The following EFCAB11 variants were observed in gnomAD, a reference collection of about 807,000 sequenced individuals.
EFCAB11 encodes EF-hand calcium-binding domain-containing protein 11.
EFCAB11 carries 14 observed loss-of-function variants against 23.0 expected under a neutral mutation model. The ratio of observed to expected loss-of-function variants is 0.61; its 90% CI spans 0.40 to 0.95. The LOEUF (loss-of-function observed/expected upper bound fraction) is 0.95. Among genes scored for constraint, EFCAB11 ranks in the 40% least tolerant of loss-of-function variants. The probability of loss-of-function intolerance (pLI) is 0.00; values close to 1 mark genes in which losing one functional copy is unlikely to be tolerated. For missense variants in EFCAB11, 198 were observed against 195.8 expected (o/e 1.01, Z -0.07); for synonymous variants, 65 against 66.6 (o/e 0.98, Z 0.11).
intron 5 of EFCAB11, among the ~76,000 whole-genome samples, chr14:89,909,567 CAA>C (rs533220090): frequency 8.4e-4 from 128 of 152,190 alleles, no homozygotes; most frequent in African/African-American, 2.9e-3. Context: ...GGCGACAGGG[CAA>C]GACTCTGTCT....
intron 5 of EFCAB11, among the ~76,000 whole-genome samples, chr14:89,918,549 A>G (rs1238922547): frequency 2.6e-5 from 4 of 151,770 alleles, no homozygotes; most frequent in East Asian, 1.9e-4. Context: ...AAAAAAAAAA[A>G]AAGAAGAAGA....
At chr14:89,939,143 C>T (rs954401029) in intron 3 of EFCAB11, among the ~76,000 whole-genome samples, 6 of 152,058 alleles carry the variant, frequency 3.9e-5, no homozygotes, top group African/African-American at 1.2e-4. Flanking sequence ...ATACCTTATT[C>T]TGGACTTTAA....
At chr14:89,912,138 T>C (rs1889699876) in intron 5 of EFCAB11, among the ~76,000 whole-genome samples, 1 of 152,212 alleles carries the variant, frequency 6.6e-6, no homozygotes, top group African/African-American at 2.4e-5. Context: ...CATTTATTCA[T>C]TGTTGGTATG....
At chr14:89,934,209 G>T (rs1222262166) in intron 3 of EFCAB11, among the ~76,000 whole-genome samples, 1 of 152,202 alleles carries the variant, frequency 6.6e-6, no homozygotes, top group Non-Finnish European at 1.5e-5. Context: ...CTGATAAAAG[G>T]ACGGAGGTGG....
At chr14:89,813,667 G>C (rs1111760) in intron 5 of EFCAB11, among the ~76,000 whole-genome samples, 147,791 of 147,822 alleles carry the variant, frequency 1, 73,880 homozygotes, top group Non-Finnish European at 1. Context: ...CCCTCCACCC[G>C]CTATAAAATG....
Position 89,953,970 on chromosome 14 carries a change from C to G in EFCAB11, c.107G>C (p.Gly36Ala), listed in dbSNP as rs1416425373. The G allele has an allele frequency of 5.6e-6, 9 of 1,613,508 alleles. No homozygotes were observed. The highest frequency in any genetic ancestry group is 1.7e-5 in the Admixed American group (1 of 59,974). Residue 36 changes from glycine (G) to alanine (A), a missense_variant, in exon 2 of 6, where the codon GGA (glycine) becomes GCA (alanine). Physicochemically the swap from Gly to Ala is moderately conservative, Grantham distance 60 (BLOSUM62 0). Transcript: ENST00000316738. Reference protein sequence around the residue: ...VFKACDEDHKGYLSREDFKTA... With the variant: ...VFKACDEDHKAYLSREDFKTA... ...TTTAAAGTCCTCTCTGCTGAGATAT[C>G]CTTTGTGATCTTCATCACATGCTTT... is the stretch of plus-strand genomic sequence containing the variant.
intron 5 of EFCAB11, among the ~76,000 whole-genome samples, chr14:89,868,571 C>G (rs1379298681): frequency 6.6e-6 from 1 of 152,176 alleles, no homozygotes; most frequent in Non-Finnish European, 1.5e-5. Context: ...CTCTGCAGCA[C>G]CCAGTGAGTA....
intron 5 of EFCAB11, among the ~76,000 whole-genome samples, chr14:89,860,233 G>A (rs944964644): frequency 4.9e-4 from 75 of 152,078 alleles, no homozygotes; most frequent in Admixed American, 1.8e-3. Flanking sequence ...GTGTGGTGGC[G>A]GGCACCCATC....
At chr14:89,905,202 T>A (rs1889460311) in intron 5 of EFCAB11, among the ~76,000 whole-genome samples, 1 of 152,154 alleles carries the variant, frequency 6.6e-6, no homozygotes, top group South Asian at 2.1e-4. Context: ...CTTGGAGGAT[T>A]CACAGGAGAT....
At chr14:89,917,070 GTGTGTGTGTGTGTGTGTGTGTGTGTGTA>G (rs1889870264) in intron 5 of EFCAB11, among the ~76,000 whole-genome samples, 1 of 133,320 alleles carries the variant, frequency 7.5e-6, no homozygotes, top group African/African-American at 3.9e-5. Flanking sequence ...GTGTGTGTGT[GTGTGTGTGTGTGTGTGTGTGTGTGTGTA>G]TGTGTGTGTT....
At chr14:89,868,798 T>C (rs888323625) in intron 5 of EFCAB11, among the ~76,000 whole-genome samples, 9 of 152,234 alleles carry the variant, frequency 5.9e-5, no homozygotes, top group Non-Finnish European at 1.2e-4. Context: ...ACTTCCCTCA[T>C]AGGTACCAAT....
In EFCAB11 at chr14:89,953,061, G is replaced by A. The variant is rs140778705; in HGVS notation, c.171+845C>T. Reference sequence around the variant, plus strand: ...GCTCAACTCTCATTATTGGTGAATTGGTGCAATCTTTTCTGGAGAGCAAAT... The same window carrying A: ...GCTCAACTCTCATTATTGGTGAATTAGTGCAATCTTTTCTGGAGAGCAAAT... On this transcript the variant is annotated intron_variant, in intron 2 of 5. Coordinates refer to ENST00000316738, the MANE Select transcript of EFCAB11 (RefSeq NM_145231.4). Among the ~76,000 whole-genome samples the A allele has an allele frequency of 7.2e-3, 1,090 of 152,190 alleles. 14 individuals are homozygous for A. The highest frequency in any genetic ancestry group is 0.012 in the Non-Finnish European group (814 of 68,004).
Position 89,898,035 on chromosome 14 carries a change from TTCTAGCTAAGGAAA to T in EFCAB11, c.410+33492_410+33505del, listed in dbSNP as rs142383415. Among the ~76,000 whole-genome samples the T allele has an allele frequency of 2.5e-3, 375 of 152,334 alleles. 2 individuals are homozygous for T. The highest frequency in any genetic ancestry group is 8.7e-3 in the African/African-American group (363 of 41,584). ...CTATGTTTCTGTGAAACCTAAGGAA[TTCTAGCTAAGGAAA>T]TCTAGAAATGCACACCAACTTTATA... On this transcript the variant is annotated intron_variant, in intron 5 of 5. Coordinates refer to ENST00000316738, the MANE Select transcript of EFCAB11 (RefSeq NM_145231.4).
At chr14:89,919,611 G>A (rs1214580766) in intron 5 of EFCAB11, among the ~76,000 whole-genome samples, 1 of 152,176 alleles carries the variant, frequency 6.6e-6, no homozygotes, top group South Asian at 2.1e-4. Flanking sequence ...CTCCATGAGT[G>A]GGAGGCAGGT....
chr14:89,875,559 G>A (rs1439524741), intron 5 of EFCAB11, among the ~76,000 whole-genome samples: 6 of 152,174 alleles, frequency 3.9e-5, no homozygotes, highest in Admixed American at 6.5e-5. Flanking sequence ...CAAGAAAAGA[G>A]GTTGATTTAG....
chr14:89,801,236 T>C (rs772046478), intron 5 of EFCAB11, among the ~76,000 whole-genome samples: 8 of 152,252 alleles, frequency 5.3e-5, no homozygotes, highest in Admixed American at 2.6e-4. Context: ...ACGTTTCCTA[T>C]GTACTTCCAA....
intron 5 of EFCAB11, among the ~76,000 whole-genome samples, chr14:89,808,036 C>G (rs1043457967): frequency 6.6e-6 from 1 of 152,128 alleles, no homozygotes; most frequent in African/African-American, 2.4e-5. Context: ...AATTGGCTAT[C>G]CATCTGGGGA....
chr14:89,932,712 T>C (rs1890437694), intron 3 of EFCAB11, 85 bp from the exon 4 acceptor site: 2 of 1,037,286 alleles, frequency 1.9e-6, no homozygotes, highest in Admixed American at 4.1e-5. Context: ...CAGTAATAAA[T>C]CTCACCAATA....
intron 5 of EFCAB11, among the ~76,000 whole-genome samples, chr14:89,895,870 G>A (rs905697573): frequency 2.6e-5 from 4 of 152,154 alleles, no homozygotes; most frequent in Non-Finnish European, 4.4e-5. Context: ...GCTGGGAGAA[G>A]ATATTTGTTA....
Sources: gnomAD v4.1 joint callset for allele counts (sites outside exome capture counted in the v4.1 genomes callset) on GRCh38, gnomAD v4.1.1 for gene constraint, MANE v1.5 for transcripts, NCBI Gene and HGNC (gene_info 2026-07-23, HGNC 2026-07-21) for gene names.